Variants in CPD observed in about 807,000 individuals in gnomAD.
CPD encodes carboxypeptidase D, also known as metallocarboxypeptidase D.
A neutral mutation model predicts 138.3 loss-of-function variants in CPD; 69 were observed. That is an observed-to-expected ratio of 0.50 (90% CI 0.41 to 0.61). The LOEUF is 0.61. Ranked by LOEUF, CPD falls within the 20% of genes least tolerant of loss-of-function variation. CPD has a pLI of 0.00. For synonymous variants in CPD, 651 were observed against 642.1 expected, an observed-to-expected ratio of 1.01 and a Z score of -0.21; for missense variants, 1,432 against 1,733.3, an observed-to-expected ratio of 0.83 and a Z score of 3.09.
chr17:30,438,738 C>T (rs899189330), intron 8 of CPD, among the ~76,000 whole-genome samples: 3 of 152,010 alleles, frequency 2.0e-5, no homozygotes, highest in Non-Finnish European at 2.9e-5. Context: ...TATTTTCTTA[C>T]GGAGCACATT....
chr17:30,462,649 C>T (rs547394027), intron 20 of CPD, among the ~76,000 whole-genome samples, 180 bp downstream of exon 20: 16 of 152,278 alleles, frequency 1.1e-4, no homozygotes, highest in Non-Finnish European at 2.1e-4. Context: ...GCTTGCCTTT[C>T]TCTGCCGAGA....
intron 5 of CPD, 148 bp from the exon 6 acceptor site, chr17:30,423,358 T>C: frequency 1.8e-6 from 1 of 548,924 alleles, no homozygotes; most frequent in South Asian, 3.0e-5. Context: ...CTTTATAAGA[T>C]GTTTCTGAAG....
At position 30,427,297 on chromosome 17, in the gene CPD, A is replaced by G. The variant is rs1011236947; in HGVS notation, c.1850-94A>G. The G allele has an allele frequency of 1.8e-5, 20 of 1,112,528 alleles. No homozygotes were observed. The East Asian group carries it at 4.3e-4, about 24-fold the overall frequency. 68.9% of individuals were successfully genotyped at this position (1,112,528 alleles called of 1,614,324 possible). A position where few individuals can be genotyped will look rare whatever the true frequency, so the allele number is the denominator to read the frequency against. On this transcript the variant is annotated intron_variant, in intron 6 of 20. Coordinates refer to ENST00000225719, the MANE Select transcript of CPD (RefSeq NM_001304.5). The stretch of plus-strand genomic sequence containing the variant: ...TAATAGCGAAGCCTGATGTGTTCAC[A>G]TTTGCCTTGAGTTAAGGTATCTAAA...
intron 2 of CPD, among the ~76,000 whole-genome samples, chr17:30,410,117 C>T (rs940938145): frequency 2.0e-4 from 31 of 152,186 alleles, no homozygotes; most frequent in Admixed American, 1.7e-3. Flanking sequence ...GTTATTTATC[C>T]AGTAGTCATT....
At chr17:30,381,029 C>G (rs1567863383) in intron 1 of CPD, among the ~76,000 whole-genome samples, 1 of 152,192 alleles carries the variant, frequency 6.6e-6, no homozygotes, top group Non-Finnish European at 1.5e-5. Context: ...TATAGAAGAT[C>G]TAGAAAATTC....
chr17:30,435,728 A>G (rs1202485831), intron 8 of CPD, among the ~76,000 whole-genome samples: 2 of 152,196 alleles, frequency 1.3e-5, no homozygotes, highest in Admixed American at 6.5e-5. Context: ...AATTCCACAA[A>G]CTGGGTGGTC....
chr17:30,389,061 A>AT (rs2143314693), intron 2 of CPD, among the ~76,000 whole-genome samples: 1 of 152,302 alleles, frequency 6.6e-6, no homozygotes, highest in South Asian at 2.1e-4. Flanking sequence ...CCAGCTCCGC[A>AT]TAGGGGTTCC....
intron 2 of CPD, among the ~76,000 whole-genome samples, chr17:30,417,527 T>G (rs1345809720): frequency 6.6e-5 from 10 of 152,184 alleles, no homozygotes; most frequent in Admixed American, 6.5e-4. Flanking sequence ...CCTTATTTTT[T>G]CTGTTAATGG....
At chr17:30,427,107 G>A (rs11649892) in intron 6 of CPD, among the ~76,000 whole-genome samples, 10 of 151,916 alleles carry the variant, frequency 6.6e-5, no homozygotes, top group East Asian at 1.9e-4. Context: ...GCTTGAACCC[G>A]GGAGATGGTG....
intron 2 of CPD, among the ~76,000 whole-genome samples, chr17:30,416,418 A>C (rs187568018): frequency 1.3e-5 from 2 of 152,368 alleles, no homozygotes; most frequent in East Asian, 3.9e-4. Context: ...AAAATGGTTA[A>C]TATGGTGAAA....
intron 1 of CPD, among the ~76,000 whole-genome samples, chr17:30,383,347 C>T (rs949995269): frequency 4.6e-5 from 7 of 152,036 alleles, no homozygotes; most frequent in Admixed American, 3.9e-4. Context: ...AGCATTAATC[C>T]CCATTTTACA....
Position 30,461,894 on chromosome 17 carries a change from T to C in CPD, c.3648T>C (p.His1216=), listed in dbSNP as rs754419211. The C allele has an allele frequency of 4.4e-6, 7 of 1,599,478 alleles. No homozygotes were observed. In the South Asian group the frequency reaches 7.9e-5, roughly 18 times the overall value. Residue 1216 remains histidine (H), a synonymous_variant, in exon 19 of 21, where the codon CAT becomes CAC. Coordinates refer to ENST00000225719, the MANE Select transcript of CPD (RefSeq NM_001304.5). ...TTTTTCAGGTTCACAAGGGAGTTCA[T>C]GGATTTGTTAAAGATAAGACTGGAA... ...SMLVEVHKGV[H]GFVKDKTGKP...
At chr17:30,404,689 C>G (rs1278557508) in intron 2 of CPD, among the ~76,000 whole-genome samples, 2 of 148,570 alleles carry the variant, frequency 1.3e-5, no homozygotes, top group African/African-American at 2.4e-5. Context: ...CAGAAATGTT[C>G]TATAATCCTT....
At chr17:30,402,427 A>G (rs1192454461) in intron 2 of CPD, among the ~76,000 whole-genome samples, 1 of 152,058 alleles carries the variant, frequency 6.6e-6, no homozygotes, top group Non-Finnish European at 1.5e-5. Flanking sequence ...TTAGCTGGAC[A>G]TGGTGGCACA....
Position 30,445,916 on chromosome 17 carries a change from C to G in CPD, c.2769C>G (p.Ser923=). 1.2e-6 allele frequency: 2 copies of G among 1,614,066 alleles called. No homozygotes were observed. Among genetic ancestry groups the G allele is most frequent in the Non-Finnish European group, 1.7e-6 (2 of 1,179,970 alleles). The change falls in exon 12 of 21, where the codon TCC becomes TCG. Residue 923 remains serine, a synonymous_variant. Transcript: ENST00000225719. ...TGGAAAGCCTCATGTTACGCTCCTC[C>G]TCAAATCTGGCTCTGGCTCTTTATC... ...NGLESLMLRS[S]SNLALALYRY...
chr17:30,393,531 C>A (rs1336290770), intron 2 of CPD, among the ~76,000 whole-genome samples: 11 of 152,042 alleles, frequency 7.2e-5, no homozygotes. Flanking sequence ...ACAGACAAAT[C>A]CATAAATATA....
rs1323574653 is a variant in CPD at position 30,434,471 on chromosome 17, A to C, written c.2127+2590A>C. 2.0e-5 allele frequency among the ~76,000 whole-genome samples: 3 copies of C among 152,198 alleles called. No homozygotes were observed. In the East Asian group the frequency reaches 5.8e-4, roughly 29 times the overall value. On this transcript the variant is annotated intron_variant, in intron 8 of 20. Coordinates refer to ENST00000225719, the MANE Select transcript of CPD (RefSeq NM_001304.5). ...AATGACCACCATACATCACATATGCACTAAATCCAAAAATACTAAAAGAGT... is the reference window on the plus strand; with the variant it reads ...AATGACCACCATACATCACATATGCCCTAAATCCAAAAATACTAAAAGAGT...
Position 30,445,831 on chromosome 17 carries a change from G to C in CPD, c.2684G>C (p.Ser895Thr). 6.2e-7 allele frequency: 1 copy of C among 1,614,116 alleles called. No individual in the cohort carries two copies. The change falls in exon 12 of 21, where the codon AGT (serine) becomes ACT (threonine). Residue 895 changes from serine to threonine, a missense_variant. By Grantham distance (58) the Ser-to-Thr change is moderately conservative. Around this residue, in one of 6 missense-constraint regions of CPD, gnomAD observed 124 missense variants for 117.0 expected, o/e 1.06. Transcript: ENST00000225719. ...KGASSSTNDA[S>T]DPTTKEFETL... ...GCTAGCAGCAGCACCAATGATGCCA[G>C]TGATCCAACTACTAAAGAGTTTGAA... is the stretch of plus-strand genomic sequence containing the variant.
chr17:30,451,736 T>G lies in CPD; in HGVS notation c.3095T>G (p.Ile1032Ser). The G allele has an allele frequency of 6.2e-7, 1 of 1,614,072 alleles. No homozygotes were observed. The highest frequency in any genetic ancestry group is 8.5e-7 in the Non-Finnish European group (1 of 1,179,954). ...TQLVDRTRIV[I>S]VPSLNPDGRE... The stretch of plus-strand genomic sequence containing the variant: ...TTGGTTGACAGGACTAGGATTGTGA[T>G]TGTCCCTTCTCTAAATCCAGATGGG... Residue 1032 changes from isoleucine to serine, a missense_variant, in exon 14 of 21, where the codon ATT (isoleucine) becomes AGT (serine). Coordinates refer to ENST00000225719, the MANE Select transcript of CPD (RefSeq NM_001304.5).
Sources: gnomAD v4.1 joint callset for allele counts (sites outside exome capture counted in the v4.1 genomes callset) on GRCh38, gnomAD v4.1.1 for gene constraint, gnomAD v4.1.1 regional missense constraint, MANE v1.5 for transcripts, NCBI Gene and HGNC (gene_info 2026-07-23, HGNC 2026-07-21) for gene names.